Variants in IRAG2 observed in about 807,000 individuals in gnomAD.
The protein encoded by IRAG2 is inositol 1,4,5-triphosphate receptor associated 2.
A neutral mutation model predicts 69.9 loss-of-function variants in IRAG2; 45 were observed. The observed-to-expected ratio is 0.64, with a 90% CI of 0.51 to 0.83. The LOEUF (loss-of-function observed/expected upper bound fraction) is 0.83, where lower values mean the gene tolerates loss of function less well. IRAG2 is among the 40% of genes least tolerant of loss of function. The pLI is 0.00. For synonymous variants in IRAG2, 193 were observed against 202.4 expected, an observed-to-expected ratio of 0.95 and a Z score of 0.40; for missense variants, 520 against 587.0, an observed-to-expected ratio of 0.89 and a Z score of 1.18.
At chr12:24,997,883 G>T in the IRAG2 span, among the ~76,000 whole-genome samples, 1 of 152,212 alleles carries the variant, frequency 6.6e-6, no homozygotes, top group Non-Finnish European at 1.5e-5. Flanking sequence ...GTAGCTGAGA[G>T]TGATAAAGTG....
At chr12:25,059,226 A>G (rs1452720995) in intron 1 of IRAG2, among the ~76,000 whole-genome samples, 2 of 152,224 alleles carry the variant, frequency 1.3e-5, no homozygotes, top group African/African-American at 4.8e-5. Context: ...GATGTAGATC[A>G]GAAGGAGCAC....
chr12:25,041,679 T>TG (rs995808440), intron 16 of IRAG2, among the ~76,000 whole-genome samples: 4 of 150,256 alleles, frequency 2.7e-5, no homozygotes, highest in Non-Finnish European at 5.9e-5. Context: ...TTTGTTTTTT[T>TG]TTTTTTCAGT....
exon 1 of IRAG2, chr12:25,004,897 T>C: frequency 8.1e-7 from 1 of 1,231,416 alleles, no homozygotes; most frequent in Non-Finnish European, 1.0e-6. Flanking sequence ...GGTAAAAAAA[T>C]TATCTCTGAA....
intron 16 of IRAG2, among the ~76,000 whole-genome samples, chr12:25,039,580 G>T (rs859199): frequency 1.3e-5 from 2 of 151,810 alleles, no homozygotes; most frequent in Non-Finnish European, 1.5e-5. Flanking sequence ...ACAGGCGCCC[G>T]CCACCACGCC....
chr12:25,027,341 C>A (rs1944630388), intron 9 of IRAG2, among the ~76,000 whole-genome samples: 1 of 151,180 alleles, frequency 6.6e-6, no homozygotes, highest in Admixed American at 6.6e-5. Context: ...TTTCACTTAG[C>A]ATAATGTTTT....
intron 9 of IRAG2, 88 bp downstream of exon 9, chr12:25,079,851 C>A: frequency 2.8e-6 from 2 of 704,412 alleles, no homozygotes; most frequent in South Asian, 1.9e-5. Context: ...CACACTAGCT[C>A]AATAATGTTA....
chr12:25,059,354 AT>A (rs1021823962), intron 1 of IRAG2, among the ~76,000 whole-genome samples: 1 of 151,362 alleles, frequency 6.6e-6, no homozygotes, highest in East Asian at 1.9e-4. Flanking sequence ...AGAAATACTT[AT>A]TTTTTTTTCC....
At chr12:25,059,717 A>T (rs554488584) in intron 1 of IRAG2, among the ~76,000 whole-genome samples, 1 of 152,236 alleles carries the variant, frequency 6.6e-6, no homozygotes, top group East Asian at 1.9e-4. Flanking sequence ...AAAAACAAAC[A>T]TCTGTTTTGC....
intron 10 of IRAG2, among the ~76,000 whole-genome samples, chr12:25,085,630 A>G (rs1013066528): frequency 1.3e-5 from 2 of 150,548 alleles, no homozygotes; most frequent in African/African-American, 5.0e-5. Context: ...CAACATTCAG[A>G]CACAAAAACA....
chr12:25,104,271 A>C (rs1458886767), intron 19 of IRAG2, 90 bp from the exon 20 acceptor site: 2 of 968,928 alleles, frequency 2.1e-6, no homozygotes, highest in East Asian at 5.0e-5. Flanking sequence ...AGGACATATA[A>C]TTTTGTATTT....
intron 1 of IRAG2, among the ~76,000 whole-genome samples, chr12:25,058,304 T>C (rs116996564): frequency 6.8e-4 from 104 of 152,334 alleles, no homozygotes; most frequent in East Asian, 6.7e-3. Context: ...GGGTATTTCA[T>C]TGTGATTTTA....
chr12:25,060,668 CTTTTT>C (rs753591747), intron 1 of IRAG2, among the ~76,000 whole-genome samples: 2 of 99,276 alleles, frequency 2.0e-5, no homozygotes, highest in South Asian at 3.2e-4. Flanking sequence ...AATGTATTTT[CTTTTT>C]TTTTTTTTTT....
intron 2 of IRAG2, among the ~76,000 whole-genome samples, chr12:25,007,966 TG>T (rs1944445719): frequency 6.6e-6 from 1 of 152,178 alleles, no homozygotes; most frequent in Admixed American, 6.5e-5. Context: ...TTTTATTTTA[TG>T]GGGGCAAGAA....
At chr12:25,022,357 G>A (rs142463415) in intron 7 of IRAG2, among the ~76,000 whole-genome samples, 1 of 152,198 alleles carries the variant, frequency 6.6e-6, no homozygotes, top group African/African-American at 2.4e-5. Flanking sequence ...AGCCAGGCGT[G>A]GTGACACACA....
chr12:25,057,220 A>C, intron 1 of IRAG2, among the ~76,000 whole-genome samples: 1 of 149,522 alleles, frequency 6.7e-6, no homozygotes, highest in East Asian at 2.0e-4. Flanking sequence ...ATACATACAG[A>C]TAGGTAGGTA....
At chr12:25,040,934 A>G (rs1267489781) in intron 16 of IRAG2, among the ~76,000 whole-genome samples, 1 of 152,254 alleles carries the variant, frequency 6.6e-6, no homozygotes, top group East Asian at 1.9e-4. Flanking sequence ...ATAAACATAT[A>G]ATGTCAGAGA....
intron 14 of IRAG2, among the ~76,000 whole-genome samples, chr12:25,094,506 A>C (rs940701467): frequency 1.3e-5 from 2 of 152,196 alleles, no homozygotes; most frequent in Non-Finnish European, 2.9e-5. Flanking sequence ...AAAATTAGGA[A>C]GTATGAGTCC....
chr12:25,018,272 C>T (rs1003496230), intron 6 of IRAG2, among the ~76,000 whole-genome samples: 1 of 147,988 alleles, frequency 6.8e-6, no homozygotes, highest in African/African-American at 2.5e-5. Flanking sequence ...TCTCAGCTCA[C>T]TGCATGCAAC....
At chr12:25,000,500 C>T (rs762598960), upstream of IRAG2, among the ~76,000 whole-genome samples, 3 of 152,130 alleles carry the variant, frequency 2.0e-5, no homozygotes, top group South Asian at 6.2e-4. Flanking sequence ...TGTGGTAATC[C>T]CAGCTACTTG....
Sources: gnomAD v4.1 joint callset for allele counts (sites outside exome capture counted in the v4.1 genomes callset) on GRCh38, gnomAD v4.1.1 for gene constraint, MANE v1.5 for transcripts, NCBI Gene and HGNC (gene_info 2026-07-23, HGNC 2026-07-21) for gene names.